Variants in PRKD1 observed in about 807,000 individuals in gnomAD.
The protein encoded by PRKD1 is protein kinase D1.
A neutral mutation model predicts 95.9 loss-of-function variants in PRKD1; 63 were observed. That is an observed-to-expected ratio of 0.66 (90% CI 0.54 to 0.81). The LOEUF (loss-of-function observed/expected upper bound fraction) is 0.81. Among genes scored for constraint, PRKD1 ranks in the 30% least tolerant of loss-of-function variants. The pLI is 0.00. For missense variants in PRKD1, 1,048 were observed against 1,165.3 expected, an observed-to-expected ratio of 0.90 and a Z score of 1.47; for synonymous variants, 425 against 423.1, an observed-to-expected ratio of 1.00 and a Z score of -0.05.
intron 4 of PRKD1, among the ~76,000 whole-genome samples, chr14:29,649,502 ATT>A (rs201718544): frequency 6.9e-6 from 1 of 145,440 alleles, no homozygotes; most frequent in Non-Finnish European, 1.5e-5. Flanking sequence ...AGTGTAGTTG[ATT>A]TTTTTTTGGC....
intron 1 of PRKD1, among the ~76,000 whole-genome samples, chr14:29,791,407 G>C (rs1889539428): frequency 6.6e-6 from 1 of 152,108 alleles, no homozygotes; most frequent in Admixed American, 6.6e-5. Flanking sequence ...GAAATTACCA[G>C]ATAATGAACA....
Position 29,806,559 on chromosome 14 carries a change from T to G in PRKD1, c.265-80885A>C, listed in dbSNP as rs1890243514. Among the ~76,000 whole-genome samples, 3 of 152,104 alleles carry G rather than the reference T, an allele frequency of 2.0e-5. No individual in the cohort carries two copies. In the South Asian group the frequency reaches 6.2e-4, roughly 31 times the overall value. ...ATTACAGGTCAGGCAGAACAATAAA[T>G]AAAGTAGTTGTTTGGTTAGATGAGC... On this transcript the variant is annotated intron_variant, in intron 1 of 17. Transcript: ENST00000331968.
chr14:29,824,329 T>A (rs552572360), intron 1 of PRKD1, among the ~76,000 whole-genome samples: 1 of 152,186 alleles, frequency 6.6e-6, no homozygotes, highest in Non-Finnish European at 1.5e-5. Flanking sequence ...TTTCCATTTA[T>A]GAAAATTAGA....
intron 1 of PRKD1, among the ~76,000 whole-genome samples, chr14:29,905,554 T>C (rs1047908547): frequency 6.6e-6 from 1 of 152,138 alleles, no homozygotes; most frequent in South Asian, 2.1e-4. Flanking sequence ...CTCAGTTCTT[T>C]AATAAAATCT....
chr14:29,680,644 C>T (rs1490776284), intron 2 of PRKD1, among the ~76,000 whole-genome samples: 1 of 152,098 alleles, frequency 6.6e-6, no homozygotes, highest in Non-Finnish European at 1.5e-5. Flanking sequence ...AGGGAAAGCC[C>T]AAGTTTTAGA....
chr14:29,613,968 T>C (rs1878665924), intron 13 of PRKD1, among the ~76,000 whole-genome samples: 1 of 152,204 alleles, frequency 6.6e-6, no homozygotes, highest in East Asian at 1.9e-4. Flanking sequence ...TAATTATACT[T>C]TGAATGAATG....
chr14:29,902,932 A>G (rs1894369116), intron 1 of PRKD1, among the ~76,000 whole-genome samples: 1 of 152,242 alleles, frequency 6.6e-6, no homozygotes, highest in Non-Finnish European at 1.5e-5. Context: ...TAAAAAGGGA[A>G]AAAGAAATAT....
rs1892589089 is a variant in PRKD1, at chr14:29,577,309, T to C, written c.2668A>G (p.Ser890Gly). ...YPTHLINPSASHSDTPETEET... is the reference protein window; with the variant it reads ...YPTHLINPSAGHSDTPETEET... ...TCAGTCTCAGGAGTGTCACTGTGGC[T>C]AGCACTTGGATTGATCAGGTGTGTG... Residue 890 changes from serine to glycine, a missense_variant, in exon 18 of 18, where the codon AGC becomes GGC. Ser to Gly is a moderately conservative substitution (Grantham distance 56). This residue lies in a region of PRKD1 where 739 missense variants were observed against 861.9 expected (regional missense o/e 0.86). Transcript: ENST00000331968. The C allele has an allele frequency of 1.2e-6, 2 of 1,613,854 alleles. No homozygotes were observed. The highest frequency in any genetic ancestry group is 1.7e-5 in the Admixed American group (1 of 59,978).
chr14:29,742,307 G>A (rs994190362), intron 1 of PRKD1, among the ~76,000 whole-genome samples: 4 of 152,228 alleles, frequency 2.6e-5, no homozygotes, highest in East Asian at 1.9e-4. Context: ...TGGTCTTTCC[G>A]TTCACTCCCA....
chr14:29,883,979 C>T (rs1339691805), intron 1 of PRKD1, among the ~76,000 whole-genome samples: 4 of 152,174 alleles, frequency 2.6e-5, no homozygotes, highest in Non-Finnish European at 4.4e-5. Flanking sequence ...TCAATGAGAG[C>T]ATCATCTGCA....
chr14:29,907,085 T>C (rs1362317604), intron 1 of PRKD1, among the ~76,000 whole-genome samples: 1 of 152,250 alleles, frequency 6.6e-6, no homozygotes, highest in Admixed American at 6.5e-5. Flanking sequence ...CCAGACTCAA[T>C]TCAACAAATA....
intron 2 of PRKD1, among the ~76,000 whole-genome samples, chr14:29,683,316 C>T (rs1883642402): frequency 6.6e-6 from 1 of 152,222 alleles, no homozygotes; most frequent in East Asian, 1.9e-4. Context: ...TACAACTGAC[C>T]AGGAACCAAC....
At chr14:29,659,172 C>A (rs1378890842) in intron 4 of PRKD1, among the ~76,000 whole-genome samples, 2 of 152,168 alleles carry the variant, frequency 1.3e-5, no homozygotes, top group Admixed American at 6.5e-5. Context: ...CAGTTGATAT[C>A]CCACCTTAGT....
At chr14:29,782,016 A>T (rs1889069838) in intron 1 of PRKD1, among the ~76,000 whole-genome samples, 1 of 152,234 alleles carries the variant, frequency 6.6e-6, no homozygotes, top group South Asian at 2.1e-4. Flanking sequence ...ATGTATACCC[A>T]GATGTGCATC....
At position 29,634,255 on chromosome 14, in the gene PRKD1, T is replaced by C. The variant is rs529446211; in HGVS notation, c.1314+163A>G. On this transcript the variant is annotated intron_variant, in intron 8 of 17. Coordinates refer to ENST00000331968, the MANE Select transcript of PRKD1 (RefSeq NM_002742.3). The stretch of plus-strand genomic sequence containing the variant: ...TAACTTCGTTGCTTGCTCAACTATA[T>C]CTGACACCCAGAGACTGTAATGCAC... Among the ~76,000 whole-genome samples the C allele has an allele frequency of 2.8e-4, 43 of 152,344 alleles. No homozygotes were observed. The South Asian group carries it at 5.2e-3, about 18-fold the overall frequency.
At chr14:29,580,622 A>C (rs180797788) in intron 16 of PRKD1, among the ~76,000 whole-genome samples, 183 of 152,210 alleles carry the variant, frequency 1.2e-3, no homozygotes, top group African/African-American at 4.2e-3. Context: ...TCTGCTTGTT[A>C]CTTTTCTGGA....
chr14:29,647,937 G>A (rs989890348), intron 4 of PRKD1, among the ~76,000 whole-genome samples: 2 of 152,196 alleles, frequency 1.3e-5, no homozygotes, highest in African/African-American at 4.8e-5. Context: ...CAGAACAAAA[G>A]CAGTTAATCA....
intron 1 of PRKD1, among the ~76,000 whole-genome samples, chr14:29,883,807 G>A (rs1029012692): frequency 2.6e-5 from 4 of 152,108 alleles, no homozygotes; most frequent in African/African-American, 9.7e-5. Flanking sequence ...TGAGTAAAAC[G>A]AGAACACAAG....
intron 2 of PRKD1, among the ~76,000 whole-genome samples, chr14:29,704,503 G>C (rs1017544219): frequency 6.6e-6 from 1 of 152,062 alleles, no homozygotes; most frequent in African/African-American, 2.4e-5. Flanking sequence ...TACACTCTAA[G>C]GAATCCTTCA....
Sources: gnomAD v4.1 joint callset for allele counts (sites outside exome capture counted in the v4.1 genomes callset) on GRCh38, gnomAD v4.1.1 for gene constraint, gnomAD v4.1.1 regional missense constraint, MANE v1.5 for transcripts, NCBI Gene and HGNC (gene_info 2026-07-23, HGNC 2026-07-21) for gene names.